Variants in C7 observed in about 807,000 individuals in gnomAD.
C7 encodes complement component C7.
A neutral mutation model predicts 104.8 loss-of-function variants in C7; 83 were observed. The ratio of observed to expected loss-of-function variants is 0.79; its 90% CI spans 0.66 to 0.95. The LOEUF (loss-of-function observed/expected upper bound fraction) is 0.95. C7 is among the 40% of genes least tolerant of loss of function. The probability of loss-of-function intolerance (pLI) is 0.00; values close to 1 mark genes in which losing one functional copy is unlikely to be tolerated. For missense variants in C7, 1,070 were observed against 1,011.2 expected (o/e 1.06, Z -0.79); for synonymous variants, 415 against 360.6 (o/e 1.15, Z -1.71).
chr5:40,973,454 T>C (rs538390105), intron 15 of C7, among the ~76,000 whole-genome samples: 6 of 152,308 alleles, frequency 3.9e-5, no homozygotes, highest in Admixed American at 2.6e-4. Context: ...TCACAGGTGA[T>C]GGTGTGAGGT....
chr5:40,922,074 A>ACG (rs1434239201), intron 1 of C7, among the ~76,000 whole-genome samples: 1 of 150,410 alleles, frequency 6.6e-6, no homozygotes, highest in African/African-American at 2.4e-5. Context: ...AAACAAAAAC[A>ACG]ACAACAAAAA....
chr5:40,975,257 CTT>C (rs969136782), intron 15 of C7, among the ~76,000 whole-genome samples: 3 of 151,984 alleles, frequency 2.0e-5, no homozygotes, highest in African/African-American at 7.3e-5. Context: ...AAACTATACA[CTT>C]TATTCAAATA....
At position 40,979,716 on chromosome 5, in the gene C7, T is replaced by A. The variant is rs756814995; in HGVS notation, c.2166-9T>A. The A allele has an allele frequency of 1.9e-6, 3 of 1,598,888 alleles. No individual in the cohort carries two copies. The highest frequency in any genetic ancestry group is 1.7e-5 in the Admixed American group (1 of 57,846). ...TCTTGTAAATAATGTCATTAAAAAT[T>A]CTTTTCAGACCTTCCTTGGATGTAT... On this transcript the variant is annotated splice_polypyrimidine_tract_variant and intron_variant, in intron 16 of 17. Transcript: ENST00000313164.
chr5:40,912,153 C>T (rs548818415), intron 1 of C7, among the ~76,000 whole-genome samples: 2 of 152,068 alleles, frequency 1.3e-5, no homozygotes, highest in Non-Finnish European at 2.9e-5. Context: ...CTCTCTTGTT[C>T]ATTTATAAGG....
chr5:40,970,089 T>C (rs1225254307), intron 14 of C7, among the ~76,000 whole-genome samples: 2 of 152,082 alleles, frequency 1.3e-5, no homozygotes, highest in Non-Finnish European at 2.9e-5. Context: ...CACAACATAT[T>C]TGGCAAAATA....
chr5:40,943,386 G>A (rs1739980494), intron 6 of C7, among the ~76,000 whole-genome samples: 1 of 152,004 alleles, frequency 6.6e-6, no homozygotes, highest in South Asian at 2.1e-4. Context: ...CAGGATCTAA[G>A]CTGGAAGAAG....
At chr5:40,968,211 C>T (rs931439012) in intron 14 of C7, among the ~76,000 whole-genome samples, 9 of 150,644 alleles carry the variant, frequency 6.0e-5, no homozygotes, top group Admixed American at 3.3e-4. Flanking sequence ...CTGCAACCTC[C>T]GCTTCCCAGG....
Position 40,972,541 on chromosome 5 carries a change from G to C in C7, c.2021G>C (p.Gly674Ala), listed in dbSNP as rs1283021258. The C allele has an allele frequency of 6.2e-7, 1 of 1,613,256 alleles. No homozygotes were observed. The highest frequency in any genetic ancestry group is 8.5e-7 in the Non-Finnish European group (1 of 1,179,546). The change falls in exon 15 of 18, where the codon GGC becomes GCC. Residue 674 changes from glycine (G) to alanine (A), a missense_variant. Gly to Ala is a moderately conservative substitution (Grantham distance 60). Coordinates refer to ENST00000313164, the MANE Select transcript of C7 (RefSeq NM_000587.4). ...SLEGPSAFLCGSSLKWSPEMK... is the reference protein window; with the variant it reads ...SLEGPSAFLCASSLKWSPEMK... The stretch of plus-strand genomic sequence containing the variant: ...GAAGGTCCTTCAGCATTTCTCTGTG[G>C]CTCCAGCCTTAAGTGGAGTCCTGAG...
chr5:40,964,547 G>A (rs752657984), intron 13 of C7, 194 bp from the exon 14 acceptor site: 4 of 501,602 alleles, frequency 8.0e-6, no homozygotes, highest in Non-Finnish European at 1.1e-5. Flanking sequence ...GGTATTAATA[G>A]TTTTATTTCA....
rs1481029443 is a variant in C7, at chr5:40,937,636, G to A, written c.513G>A (p.Gly171=). The A allele has an allele frequency of 1.2e-6, 2 of 1,610,928 alleles. No homozygotes were observed. Among genetic ancestry groups the A allele is most frequent in the East Asian group, 2.2e-5 (1 of 44,794 alleles). ...GTCAATGTAGAAAGGTGTTTAGTGGGGATGGAAAAGATTTCTACAGGCTGA... is the reference window on the plus strand; with the variant it reads ...GTCAATGTAGAAAGGTGTTTAGTGGAGATGGAAAAGATTTCTACAGGCTGA... ...FGGQCRKVFS[G]DGKDFYRLSG... Residue 171 remains glycine, a synonymous_variant, in exon 6 of 18, where the codon GGG becomes GGA. Transcript: ENST00000313164.
At chr5:40,960,398 G>A (rs1326261061) in intron 12 of C7, among the ~76,000 whole-genome samples, 1 of 152,192 alleles carries the variant, frequency 6.6e-6, no homozygotes, top group Non-Finnish European at 1.5e-5. Flanking sequence ...AAAAGAATAA[G>A]TTGGGAAGCC....
Position 40,958,214 on chromosome 5 carries a change from C to G in C7, c.1442C>G (p.Thr481Arg), listed in dbSNP as rs1333144986. The G allele has an allele frequency of 1.9e-6, 3 of 1,612,928 alleles. No homozygotes were observed. Among genetic ancestry groups the G allele is most frequent in the Non-Finnish European group, 2.5e-6 (3 of 1,179,330 alleles). Residue 481 changes from threonine to arginine, a missense_variant, in exon 11 of 18, where the codon ACA becomes AGA. Coordinates refer to ENST00000313164, the MANE Select transcript of C7 (RefSeq NM_000587.4). ...TGTCTGTGCCATTGCAAACCGTACA[C>G]ATTTGGTGCGGCGTGTGAGCAAGGA... ...THCLCHCKPY[T>R]FGAACEQGVL...
intron 6 of C7, among the ~76,000 whole-genome samples, chr5:40,941,134 G>A (rs1739927289): frequency 6.6e-6 from 1 of 151,534 alleles, no homozygotes; most frequent in Non-Finnish European, 1.5e-5. Flanking sequence ...TGTGATCTCG[G>A]CTCACTGCAA....
At chr5:40,938,908 G>A (rs533970312) in intron 6 of C7, among the ~76,000 whole-genome samples, 3 of 152,154 alleles carry the variant, frequency 2.0e-5, no homozygotes, top group Non-Finnish European at 2.9e-5. Context: ...AAGCAATAGC[G>A]GTTGGCATCT....
chr5:40,911,166 T>C (rs1318843045), intron 1 of C7: 3 of 152,246 alleles, frequency 2.0e-5, no homozygotes, highest in Non-Finnish European at 4.4e-5. Flanking sequence ...GTAGAGTTCT[T>C]ACCTGTATTT....
At chr5:40,919,719 A>G (rs1044233375) in intron 1 of C7, among the ~76,000 whole-genome samples, 3 of 152,148 alleles carry the variant, frequency 2.0e-5, no homozygotes, top group African/African-American at 7.2e-5. Context: ...TCAACAACCA[A>G]TAGGTCAATG....
intron 14 of C7, among the ~76,000 whole-genome samples, chr5:40,971,215 G>A (rs543530605): frequency 5.9e-5 from 9 of 152,210 alleles, no homozygotes; most frequent in African/African-American, 1.4e-4. Flanking sequence ...GTGTAAAAGC[G>A]TTCCTATTTC....
chr5:40,924,971 A>C (rs1399327577), intron 1 of C7, among the ~76,000 whole-genome samples: 1 of 152,108 alleles, frequency 6.6e-6, no homozygotes, highest in Non-Finnish European at 1.5e-5. Context: ...CCTCTTCTCC[A>C]TTGTCTTGGC....
At chr5:40,956,596 A>G (rs922793661) in intron 10 of C7, among the ~76,000 whole-genome samples, 3 of 152,232 alleles carry the variant, frequency 2.0e-5, no homozygotes, top group African/African-American at 4.8e-5. Context: ...ATCTCAATGG[A>G]ACAAATTCCC....
Sources: gnomAD v4.1 joint callset for allele counts (sites outside exome capture counted in the v4.1 genomes callset) on GRCh38, gnomAD v4.1.1 for gene constraint, MANE v1.5 for transcripts, NCBI Gene and HGNC (gene_info 2026-07-23, HGNC 2026-07-21) for gene names.